The following USP26 variants were observed in gnomAD, a reference collection of about 807,000 sequenced individuals.
USP26 encodes ubiquitin specific peptidase 26.
For missense variants in USP26, 649 were observed against 642.3 expected, an observed-to-expected ratio of 1.01 and a Z score of -0.11; for synonymous variants, 236 against 240.6, an observed-to-expected ratio of 0.98 and a Z score of 0.18.
chrX:133,031,886 C>T (rs2067377980), intron 5 of USP26, among the ~76,000 whole-genome samples: 1 of 111,611 alleles, frequency 9.0e-6, no homozygotes, highest in Admixed American at 9.5e-5. Flanking sequence ...GTGGCTCATG[C>T]CTGTAATCCC....
intron 5 of USP26, among the ~76,000 whole-genome samples, chrX:133,049,004 G>C (rs1377618672): frequency 8.9e-6 from 1 of 112,044 alleles, no homozygotes; most frequent in South Asian, 3.7e-4. Flanking sequence ...CATGAGAGCA[G>C]GTTGATCAAT....
At chrX:133,080,199 A>G (rs1418206890) in intron 5 of USP26, among the ~76,000 whole-genome samples, 6 of 111,444 alleles carry the variant, frequency 5.4e-5, no homozygotes. Context: ...AGGTGTCACT[A>G]TAGTTAGGCC....
intron 1 of USP26, among the ~76,000 whole-genome samples, chrX:133,096,268 T>C (rs1206567618): frequency 9.2e-6 from 1 of 108,461 alleles, no homozygotes; most frequent in Admixed American, 1.0e-4. Flanking sequence ...GAATGAAAAA[T>C]ATGAGAAGCA....
chrX:133,069,623 T>A (rs980391089), intron 5 of USP26, among the ~76,000 whole-genome samples: 4 of 110,762 alleles, frequency 3.6e-5, no homozygotes, highest in African/African-American at 1.3e-4. Context: ...TAATAAAAGA[T>A]CCACAAAGAT....
chrX:133,064,090 T>C (rs913623984), intron 5 of USP26, among the ~76,000 whole-genome samples: 8 of 111,876 alleles, frequency 7.2e-5, no homozygotes, highest in Non-Finnish European at 1.3e-4. Context: ...TAGTCTCTGA[T>C]AAAACAGACT....
At chrX:133,079,516 C>A (rs1237675337) in intron 5 of USP26, among the ~76,000 whole-genome samples, 1 of 111,622 alleles carries the variant, frequency 9.0e-6, no homozygotes, top group Non-Finnish European at 1.9e-5. Flanking sequence ...AGAAGTCGAC[C>A]TGTACATACA....
intron 5 of USP26, among the ~76,000 whole-genome samples, chrX:133,035,831 C>T (rs1373549603): frequency 8.9e-6 from 1 of 112,125 alleles, no homozygotes; most frequent in Non-Finnish European, 1.9e-5. Flanking sequence ...AGAATCACAG[C>T]AGAACAGAAA....
intron 5 of USP26, among the ~76,000 whole-genome samples, chrX:133,080,105 A>G (rs1460727925): frequency 8.9e-6 from 1 of 111,751 alleles, no homozygotes; most frequent in Non-Finnish European, 1.9e-5. Flanking sequence ...TTTACTGTGG[A>G]TAGTCTGATG....
chrX:133,048,831 C>T (rs937322683), intron 5 of USP26, among the ~76,000 whole-genome samples: 1 of 111,972 alleles, frequency 8.9e-6, no homozygotes, highest in Admixed American at 9.4e-5. Context: ...CAGGCGTGAG[C>T]CACTGCGCCT....
Position 133,028,019 on chromosome X carries a change from G to T in USP26, c.202C>A (p.Gln68Lys). The change falls in exon 6 of 6, where the codon CAA becomes AAA. Residue 68 changes from glutamine (Q) to lysine (K), a missense_variant. Transcript: ENST00000511190. ...TGTAAAGTTAAATGCAGGTGATTTT[G>T]GTTTCCTCTATAGGATTTAAGGACT... ...NVVLKSYRGN[Q>K]NHLHLTLQNN... is the part of the protein sequence containing the mutation. 1 of 1,210,733 alleles carries T rather than the reference G, an allele frequency of 8.3e-7. No homozygotes were observed. Among genetic ancestry groups the T allele is most frequent in the Non-Finnish European group, 1.1e-6 (1 of 894,850 alleles).
intron 5 of USP26, among the ~76,000 whole-genome samples, chrX:133,052,908 A>T (rs1005148030): frequency 8.1e-5 from 9 of 111,482 alleles, no homozygotes; most frequent in African/African-American, 2.9e-4. Flanking sequence ...CTATTGCCAC[A>T]TGGAAAAGGC....
chrX:133,078,175 C>T (rs1439364853), intron 5 of USP26, among the ~76,000 whole-genome samples: 3 of 111,066 alleles, frequency 2.7e-5, no homozygotes, highest in Non-Finnish European at 5.7e-5. Context: ...CCTTTGCCTT[C>T]CACTATGATT....
In USP26 at chrX:133,032,169, CCCAACCAA is replaced by C. The variant is rs761445674; in HGVS notation, c.-76-3881_-76-3874del. ...GTCTCAAAAAAGCAAAAGAAAAAAA[CCCAACCAA>C]CCAACCAACCAACCAACCAACCAAA... is the stretch of plus-strand genomic sequence containing the variant. On this transcript the variant is annotated intron_variant, in intron 5 of 5. Coordinates refer to ENST00000511190, the MANE Select transcript of USP26 (RefSeq NM_031907.3). 1.7e-3 allele frequency among the ~76,000 whole-genome samples: 189 copies of C among 109,804 alleles called. 2 individuals are homozygous for C. The highest frequency in any genetic ancestry group is 5.4e-3 in the African/African-American group (161 of 30,017).
chrX:133,092,416 C>T (rs1014859725), intron 1 of USP26, among the ~76,000 whole-genome samples: 1 of 111,733 alleles, frequency 8.9e-6, no homozygotes, highest in Non-Finnish European at 1.9e-5. Flanking sequence ...ATGGTGTATT[C>T]GTGTAAGTAA....
chrX:133,092,849 G>A (rs1278969429), intron 1 of USP26, among the ~76,000 whole-genome samples: 1 of 111,667 alleles, frequency 9.0e-6, no homozygotes, highest in Non-Finnish European at 1.9e-5. Context: ...GATTTTTCAG[G>A]TTTCTAAATT....
intron 5 of USP26, among the ~76,000 whole-genome samples, chrX:133,057,604 C>T (rs956998106): frequency 1.8e-5 from 2 of 108,365 alleles, no homozygotes; most frequent in African/African-American, 3.3e-5. Context: ...TTCTAGTATA[C>T]GTATTTAACG....
intron 5 of USP26, among the ~76,000 whole-genome samples, chrX:133,054,730 G>A (rs771320477): frequency 9.0e-6 from 1 of 111,319 alleles, no homozygotes; most frequent in South Asian, 3.8e-4. Context: ...AAATTATTTG[G>A]TGTAATAATG....
intron 5 of USP26, among the ~76,000 whole-genome samples, chrX:133,061,902 A>C (rs1251409190): frequency 9.0e-6 from 1 of 111,497 alleles, no homozygotes; most frequent in Non-Finnish European, 1.9e-5. Context: ...GTTCCCCCTC[A>C]CCAGTGGTGC....
intron 5 of USP26, among the ~76,000 whole-genome samples, chrX:133,052,027 T>C (rs1193414130): frequency 8.9e-6 from 1 of 112,011 alleles, no homozygotes; most frequent in Non-Finnish European, 1.9e-5. Flanking sequence ...TAGTATGACG[T>C]AGATGGGATT....
Sources: gnomAD v4.1 joint callset for allele counts (sites outside exome capture counted in the v4.1 genomes callset) on GRCh38, gnomAD v4.1.1 for gene constraint, MANE v1.5 for transcripts, NCBI Gene and HGNC (gene_info 2026-07-23, HGNC 2026-07-21) for gene names.